Variants in GRM7 observed in about 807,000 individuals in gnomAD.
GRM7 encodes the protein glutamate metabotropic receptor 7.
GRM7 carries 35 observed loss-of-function variants against 84.5 expected under a neutral mutation model. The ratio of observed to expected loss-of-function variants is 0.41; its 90% CI spans 0.32 to 0.55. The LOEUF (loss-of-function observed/expected upper bound fraction) is 0.55. GRM7 is among the 20% of genes least tolerant of loss of function. The pLI is 0.19. For missense variants in GRM7, 1,003 were observed against 1,194.6 expected, an observed-to-expected ratio of 0.84 and a Z score of 2.36; for synonymous variants, 487 against 455.1, an observed-to-expected ratio of 1.07 and a Z score of -0.89.
intron 1 of GRM7, among the ~76,000 whole-genome samples, chr3:7,088,406 G>A (rs1698536510): frequency 6.6e-6 from 1 of 152,090 alleles, no homozygotes; most frequent in South Asian, 2.1e-4. Flanking sequence ...AGTTTATGAA[G>A]TGAAGAATTT....
At chr3:7,330,483 C>G (rs1024801407) in intron 4 of GRM7, among the ~76,000 whole-genome samples, 1 of 152,134 alleles carries the variant, frequency 6.6e-6, no homozygotes, top group Non-Finnish European at 1.5e-5. Flanking sequence ...CCACCCAAAT[C>G]TTATCTTGAA....
intron 2 of GRM7, among the ~76,000 whole-genome samples, chr3:7,291,541 TCTCTCTCTCTCTCA>T: frequency 8.3e-6 from 1 of 120,172 alleles, no homozygotes; most frequent in Non-Finnish European, 1.7e-5. Flanking sequence ...TCTCTCTCTC[TCTCTCTCTCTCTCA>T]ATCCCTCCGT....
At chr3:7,002,393 GTACCATT>G (rs1471172052) in intron 1 of GRM7, among the ~76,000 whole-genome samples, 5 of 152,090 alleles carry the variant, frequency 3.3e-5, no homozygotes, top group Non-Finnish European at 5.9e-5. Context: ...TAGCTCCTAT[GTACCATT>G]TAATAGATTG....
At chr3:7,658,961 C>CAAAG (rs1159263992) in intron 8 of GRM7, among the ~76,000 whole-genome samples, 1 of 151,846 alleles carries the variant, frequency 6.6e-6, no homozygotes, top group African/African-American at 2.4e-5. Context: ...ATTTATATAC[C>CAAAG]AAAGATTTCT....
intron 9 of GRM7, among the ~76,000 whole-genome samples, chr3:7,706,200 G>A (rs980917497): frequency 7.2e-5 from 11 of 152,258 alleles, no homozygotes; most frequent in African/African-American, 2.4e-4. Context: ...TCTTTATAGA[G>A]CCATATTGCC....
chr3:7,174,558 A>G (rs1210815576), intron 2 of GRM7, among the ~76,000 whole-genome samples: 1 of 152,194 alleles, frequency 6.6e-6, no homozygotes, highest in Non-Finnish European at 1.5e-5. Flanking sequence ...TGACTACAAT[A>G]AAAGTTTATT....
chr3:7,494,938 T>C (rs1006554473), intron 7 of GRM7, among the ~76,000 whole-genome samples: 8 of 152,216 alleles, frequency 5.3e-5, no homozygotes, highest in African/African-American at 1.4e-4. Context: ...TGTTTCAGTA[T>C]TGGCATCAGT....
At chr3:7,644,194 GTA>G (rs33935857) in intron 8 of GRM7, among the ~76,000 whole-genome samples, 2 of 7,638 alleles carry the variant, frequency 2.6e-4, no homozygotes, top group South Asian at 7.9e-3. Flanking sequence ...ATGTCTGTAC[GTA>G]TATATATATG....
chr3:7,421,884 G>A (rs1696410027), intron 5 of GRM7, among the ~76,000 whole-genome samples: 1 of 143,394 alleles, frequency 7.0e-6, no homozygotes, highest in South Asian at 2.2e-4. Flanking sequence ...CAAATCCCAG[G>A]CAACATAGCA....
intron 2 of GRM7, among the ~76,000 whole-genome samples, chr3:7,239,203 A>C (rs1697460390): frequency 6.6e-6 from 1 of 151,526 alleles, no homozygotes; most frequent in African/African-American, 2.4e-5. Context: ...GTTTTGCCAT[A>C]TTGTCCAGGC....
At chr3:7,559,739 G>A (rs1369047456) in intron 7 of GRM7, among the ~76,000 whole-genome samples, 1 of 152,064 alleles carries the variant, frequency 6.6e-6, no homozygotes, top group Non-Finnish European at 1.5e-5. Flanking sequence ...ATCAGCTAGG[G>A]CTGCCATAAC....
In GRM7 at chr3:7,072,345, A is replaced by C. The variant is rs529727009; in HGVS notation, c.520-74107A>C. ...GTCTGTTTAAATAGTTTAGTAAGTT[A>C]TTGTCAGTATGCTCATTTATCTGTT... On this transcript the variant is annotated intron_variant, in intron 1 of 9. Coordinates refer to ENST00000357716, the MANE Select transcript of GRM7 (RefSeq NM_000844.4). Among the ~76,000 whole-genome samples, 14 of 152,226 alleles carry C rather than the reference A, an allele frequency of 9.2e-5. No individual in the cohort carries two copies. The East Asian group carries it at 2.1e-3, about 23-fold the overall frequency.
rs1699897081 is a variant in GRM7 at position 7,298,716 on chromosome 3, C to A, written c.769C>A (p.Pro257Thr). Residue 257 changes from proline to threonine, a missense_variant, in exon 3 of 10, where the codon CCC becomes ACC. Physicochemically the swap from Pro to Thr is conservative, Grantham distance 38. Transcript: ENST00000357716. ...CTGCATTGCCCAGTCCGTGAGAATC[C>A]CCCAGGAACGCAAAGACAGGACCAT... The part of the protein sequence containing the change: ...GLCIAQSVRI[P>T]QERKDRTIDF... 6.2e-7 allele frequency: 1 copy of A among 1,613,348 alleles called. No individual in the cohort carries two copies. The highest frequency in any genetic ancestry group is 1.1e-5 in the South Asian group (1 of 91,056).
At chr3:6,882,014 G>A (rs148077450) in intron 1 of GRM7, among the ~76,000 whole-genome samples, 19 of 151,748 alleles carry the variant, frequency 1.3e-4, no homozygotes, top group Non-Finnish European at 5.9e-5. Context: ...ATCCAACTGT[G>A]GTTCACTGTT....
At chr3:7,409,791 A>ACC (rs1553585035) in intron 4 of GRM7, among the ~76,000 whole-genome samples, 1 of 151,922 alleles carries the variant, frequency 6.6e-6, no homozygotes, top group South Asian at 2.1e-4. Context: ...TAGTAGAGGT[A>ACC]GGGTTTCACC....
At chr3:7,238,987 T>C (rs1461565277) in intron 2 of GRM7, among the ~76,000 whole-genome samples, 1 of 109,964 alleles carries the variant, frequency 9.1e-6, no homozygotes, top group Non-Finnish European at 1.9e-5. Context: ...TCCCTTTCTT[T>C]TCTTTTTTCC....
At chr3:7,197,997 G>C (rs1239558371) in intron 2 of GRM7, among the ~76,000 whole-genome samples, 1 of 152,146 alleles carries the variant, frequency 6.6e-6, no homozygotes, top group Non-Finnish European at 1.5e-5. Flanking sequence ...TTTGAAGATA[G>C]ATTGGTATCA....
intron 9 of GRM7, among the ~76,000 whole-genome samples, chr3:7,731,015 C>T (rs1011152524): frequency 6.6e-6 from 1 of 151,880 alleles, no homozygotes; most frequent in Non-Finnish European, 1.5e-5. Context: ...TTCAAATATG[C>T]CATTTAAGAA....
intron 1 of GRM7, among the ~76,000 whole-genome samples, chr3:7,008,314 T>C (rs561129500): frequency 6.6e-6 from 1 of 152,334 alleles, no homozygotes; most frequent in East Asian, 1.9e-4. Context: ...AGTTTGTTGT[T>C]GATTCAAGCT....
Sources: allele counts gnomAD v4.1 joint callset (sites outside exome capture counted in the v4.1 genomes callset), GRCh38; gene constraint gnomAD v4.1.1; transcripts MANE v1.5; gene names NCBI Gene and HGNC (gene_info 2026-07-23, HGNC 2026-07-21).